Variants in SLC6A16 observed in about 807,000 individuals in gnomAD.
SLC6A16 encodes the protein orphan sodium- and chloride-dependent neurotransmitter transporter NTT5.
A neutral mutation model predicts 65.4 loss-of-function variants in SLC6A16; 54 were observed. The ratio of observed to expected loss-of-function variants is 0.83; its 90% confidence interval spans 0.66 to 1.04. The LOEUF (loss-of-function observed/expected upper bound fraction) is 1.04. SLC6A16 is among the 50% of genes least tolerant of loss of function. The pLI, the probability that SLC6A16 is intolerant of heterozygous loss-of-function variation, is 0.00. For synonymous variants in SLC6A16, 330 were observed against 346.5 expected, an observed-to-expected ratio of 0.95 and a Z score of 0.53; for missense variants, 816 against 914.0, an observed-to-expected ratio of 0.89 and a Z score of 1.38.
chr19:49,297,855 T>C (rs1970213989), intron 7 of SLC6A16, among the ~76,000 whole-genome samples: 1 of 152,128 alleles, frequency 6.6e-6, no homozygotes, highest in African/African-American at 2.4e-5. Context: ...ATAGTATGAT[T>C]CTACTTACTC....
chr19:49,301,693 C>A (rs1970295415), intron 7 of SLC6A16, among the ~76,000 whole-genome samples: 2 of 152,164 alleles, frequency 1.3e-5, no homozygotes, highest in African/African-American at 2.4e-5. Context: ...TCTCCAGGTG[C>A]CTGGCCCTCT....
At chr19:49,304,949 T>A (rs1167077968) in intron 7 of SLC6A16, among the ~76,000 whole-genome samples, 2 of 152,198 alleles carry the variant, frequency 1.3e-5, no homozygotes, top group African/African-American at 4.8e-5. Flanking sequence ...GCACAGATAC[T>A]ATGGAAAGTA....
chr19:49,308,434 A>C (rs1404276987), intron 7 of SLC6A16, among the ~76,000 whole-genome samples: 2 of 152,060 alleles, frequency 1.3e-5, no homozygotes, highest in Admixed American at 6.6e-5. Context: ...GCCTGGGTGA[A>C]AGAGCGAGAC....
the SLC6A16 span, chr19:49,337,693 A>T: frequency 6.5e-7 from 1 of 1,529,700 alleles, no homozygotes; most frequent in African/African-American, 1.4e-5. Flanking sequence ...CACGGGAAAA[A>T]GAGAGAACAA....
intron 10 of SLC6A16, among the ~76,000 whole-genome samples, chr19:49,291,893 C>T (rs1287519946): frequency 1.3e-5 from 2 of 152,126 alleles, no homozygotes; most frequent in South Asian, 4.2e-4. Flanking sequence ...CATCTGTGCC[C>T]CCGGAGTTGC....
chr19:49,294,948 C>T (rs1214153608), intron 7 of SLC6A16, among the ~76,000 whole-genome samples: 3 of 152,214 alleles, frequency 2.0e-5, no homozygotes, highest in East Asian at 1.9e-4. Context: ...CCCATGGAGT[C>T]GTGCTGTGTG....
At chr19:49,330,663 G>A in the SLC6A16 span, among the ~76,000 whole-genome samples, 1 of 152,192 alleles carries the variant, frequency 6.6e-6, no homozygotes, top group Non-Finnish European at 1.5e-5. Flanking sequence ...AGACTGCCAG[G>A]CCAGGTGCAG....
chr19:49,339,621 T>C, the SLC6A16 span: 136 of 1,433,400 alleles, frequency 9.5e-5, 1 homozygote, highest in African/African-American at 1.8e-3. This position sits in a 1 kb window ranked among gnomAD's most constrained non-coding sequence, Gnocchi z 4.5. Context: ...GAAAGCCTCC[T>C]GCTATTGGCT....
intron 7 of SLC6A16, among the ~76,000 whole-genome samples, chr19:49,299,602 GAA>G (rs770862202): frequency 7.8e-5 from 9 of 115,324 alleles, no homozygotes; most frequent in African/African-American, 2.2e-4. Context: ...AATGTGCTAG[GAA>G]AAAAAAAAAA....
the SLC6A16 span, chr19:49,338,057 C>G: frequency 3.1e-6 from 5 of 1,608,636 alleles, no homozygotes; most frequent in Non-Finnish European, 4.2e-6. The surrounding 1 kb of genome is among the most constrained non-coding windows in gnomAD (Gnocchi z 5.0). Context: ...AGTTCCCTCC[C>G]GGACTGACCC....
chr19:49,324,358 G>T (rs1314507891), intron 1 of SLC6A16, among the ~76,000 whole-genome samples: 2 of 152,048 alleles, frequency 1.3e-5, no homozygotes, highest in Admixed American at 1.3e-4. Flanking sequence ...AAAAATAATA[G>T]ATTCATGTTT....
rs376684163 is a variant in SLC6A16, at chr19:49,322,607, C to G, written c.-65+2441G>C. On this transcript the variant is annotated intron_variant, in intron 1 of 11. Transcript: ENST00000335875. The stretch of plus-strand genomic sequence containing the variant: ...CGAGATTGCACCATTGCACTCCAAC[C>G]TGGGCAACAAGAGTGAAACTCCATC... Among the ~76,000 whole-genome samples, 17 of 141,258 alleles carry G rather than the reference C, an allele frequency of 1.2e-4. No individual in the cohort carries two copies. In the East Asian group the frequency reaches 1.7e-3, roughly 14 times the overall value. 92.7% of individuals were successfully genotyped at this position (141,258 alleles called of 152,430 possible).
At position 49,289,822 on chromosome 19, in the gene SLC6A16, C is replaced by T. The variant is rs1178287183; in HGVS notation, c.*301G>A. On this transcript the variant is annotated 3_prime_UTR_variant, in exon 12 of 12. Transcript: ENST00000335875. ...CAGCATTGCTCCTCCAGCTCCATTC[C>T]AGGAGACAGGCACCCCAGAAGTAGC... 2.9e-6 allele frequency: 1 copy of T among 339,932 alleles called. No homozygotes were observed. The highest frequency in any genetic ancestry group is 2.1e-5 in the African/African-American group (1 of 47,486). 21.1% of individuals were successfully genotyped at this position (339,932 alleles called of 1,614,324 possible).
the SLC6A16 span, chr19:49,337,207 A>C: frequency 1.2e-6 from 2 of 1,613,920 alleles, no homozygotes; most frequent in Admixed American, 1.7e-5. Context: ...CCTCATCTCC[A>C]CTCAGCGGGC....
At chr19:49,331,560 T>A in the SLC6A16 span, 1 of 354,472 alleles carries the variant, frequency 2.8e-6, no homozygotes, top group East Asian at 7.4e-5. Context: ...TAAGGTTAGC[T>A]GATTTAACAA....
chr19:49,315,354 G>A (rs1488941381), intron 1 of SLC6A16, among the ~76,000 whole-genome samples: 1 of 152,196 alleles, frequency 6.6e-6, no homozygotes, highest in Non-Finnish European at 1.5e-5. Flanking sequence ...CAGCAGGTGG[G>A]CCACTCCTCT....
At chr19:49,338,984 C>T in the SLC6A16 span, 2 of 1,201,480 alleles carry the variant, frequency 1.7e-6, no homozygotes, top group African/African-American at 3.1e-5. The surrounding 1 kb of genome is among the most constrained non-coding windows in gnomAD (Gnocchi z 5.0). Context: ...GCGGGGCCTG[C>T]GGGAGGGGGA....
chr19:49,334,487 A>G, the SLC6A16 span, among the ~76,000 whole-genome samples: 1 of 151,670 alleles, frequency 6.6e-6, no homozygotes, highest in Non-Finnish European at 1.5e-5. Flanking sequence ...AAAAACAAAA[A>G]CAAAAGAGAG....
chr19:49,310,616 C>A, intron 2 of SLC6A16, 106 bp from the exon 3 acceptor site: 2 of 1,225,172 alleles, frequency 1.6e-6, no homozygotes, highest in Non-Finnish European at 2.3e-6. Context: ...TCTTCCAGGG[C>A]CACAGGCATC....
Sources: gnomAD v4.1 joint callset for allele counts (sites outside exome capture counted in the v4.1 genomes callset) on GRCh38, gnomAD v4.1.1 for gene constraint, Gnocchi (gnomAD v3.1) non-coding constraint, MANE v1.5 for transcripts, NCBI Gene and HGNC (gene_info 2026-07-23, HGNC 2026-07-21) for gene names.